GSDMA: variants seen among roughly 807,000 people sequenced by gnomAD.
GSDMA encodes gasdermin A.
Under a neutral mutation model 54.3 loss-of-function variants are expected in GSDMA, and 55 were observed. The observed-to-expected ratio is 1.01, with a 90% CI of 0.82 to 1.27. The LOEUF is 1.27. Among genes scored for constraint, GSDMA ranks in the 50% most tolerant of loss-of-function variants. The pLI, the probability that GSDMA is intolerant of heterozygous loss-of-function variation, is 0.00. For synonymous variants in GSDMA, 211 were observed against 224.7 expected (o/e 0.94, Z 0.54); for missense variants, 542 against 542.6 (o/e 1.00, Z 0.01).
At position 39,976,803 on chromosome 17, in the gene GSDMA, T is replaced by A; in HGVS notation, c.1096-13T>A. 6.2e-7 allele frequency: 1 copy of A among 1,613,496 alleles called. No homozygotes were observed. The highest frequency in any genetic ancestry group is 2.2e-5 in the East Asian group (1 of 44,874). On this transcript the variant is annotated splice_polypyrimidine_tract_variant and intron_variant, in intron 11 of 11. Transcript: ENST00000301659. ...CCAGTTCTTTCTTTTCATGCTGTTT[T>A]GATTCCCTCCAGGTGGAGAGCACGA...
At position 39,967,169 on chromosome 17, in the gene GSDMA, C is replaced by G. The variant is rs116768878; in HGVS notation, c.392+732C>G. On this transcript the variant is annotated intron_variant, in intron 3 of 11. Coordinates refer to ENST00000301659, the MANE Select transcript of GSDMA (RefSeq NM_178171.5). ...CGCCTAGAACATCTTTGTCCAAGAA[C>G]CTTGCAGTCTAGGAAGGTGAAAATT... Among the ~76,000 whole-genome samples, 356 of 152,314 alleles carry G rather than the reference C, an allele frequency of 2.3e-3. 2 individuals carry two copies. Among genetic ancestry groups the G allele is most frequent in the African/African-American group, 8.2e-3 (341 of 41,550 alleles).
Position 39,965,832 on chromosome 17 carries a change from T to C in GSDMA, c.145T>C (p.Trp49Arg), listed in dbSNP as rs1447409122. ...VLRKRKSTLF[W>R]GARYVRTDYT... is the part of the protein sequence containing the mutation. ...GAGGAAGAGGAAGAGCACGCTCTTC[T>C]GGGGGGCCCGGTACGTCCGCACCGA... The change falls in exon 2 of 12, where the codon TGG (tryptophan) becomes CGG (arginine). Residue 49 changes from tryptophan (W) to arginine (R), a missense_variant. Coordinates refer to ENST00000301659, the MANE Select transcript of GSDMA (RefSeq NM_178171.5). 4 of 1,581,768 alleles carry C rather than the reference T, an allele frequency of 2.5e-6. No individual in the cohort carries two copies. Among genetic ancestry groups the C allele is most frequent in the African/African-American group, 1.3e-5 (1 of 74,206 alleles).
At position 39,970,475 on chromosome 17, in the gene GSDMA, G is replaced by A; in HGVS notation, c.393-7G>A. The A allele has an allele frequency of 6.4e-7, 1 of 1,568,012 alleles. No homozygotes were observed. On this transcript the variant is annotated splice_polypyrimidine_tract_variant and splice_region_variant and intron_variant, in intron 3 of 11. Coordinates refer to ENST00000301659, the MANE Select transcript of GSDMA (RefSeq NM_178171.5). ...TGAACGGTTCCCTTATGTTTCTCCT[G>A]CAACAGGAAGCTGGCAGCAGACCAC...
At chr17:39,966,629 C>T (rs11871317) in intron 3 of GSDMA, among the ~76,000 whole-genome samples, 192 bp downstream of exon 3, 2 of 151,922 alleles carry the variant, frequency 1.3e-5, no homozygotes, top group African/African-American at 2.4e-5. Context: ...TCACACCTCC[C>T]GCTGCTGCCA....
chr17:39,976,048 A>G, intron 11 of GSDMA, 51 bp downstream of exon 11: 4 of 1,382,706 alleles, frequency 2.9e-6, no homozygotes, highest in Non-Finnish European at 4.0e-6. Context: ...AGCTGCAGCC[A>G]GTGGAGATGC....
At position 39,966,275 on chromosome 17, in the gene GSDMA, G is replaced by A; in HGVS notation, c.230G>A (p.Gly77Glu). ...CCTCCTGCAGACCCAACAGACACTG[G>A]GAATTTTGGCTTTAAGAATATGCTG... ...GSSPSDPTDT[G>E]NFGFKNMLDT... The change falls in exon 3 of 12, where the codon GGG (glycine) becomes GAG (glutamate). Residue 77 changes from glycine (G) to glutamate (E), a missense_variant. Coordinates refer to ENST00000301659, the MANE Select transcript of GSDMA (RefSeq NM_178171.5). 6.2e-7 allele frequency: 1 copy of A among 1,613,892 alleles called. No homozygotes were observed. Among genetic ancestry groups the A allele is most frequent in the Non-Finnish European group, 8.5e-7 (1 of 1,179,874 alleles).
chr17:39,974,834 T>C (rs769286964), intron 9 of GSDMA, 66 bp from the exon 10 acceptor site: 13 of 844,052 alleles, frequency 1.5e-5, no homozygotes, highest in Non-Finnish European at 2.3e-5. Flanking sequence ...GGGGTTATTA[T>C]GTGCTGGGCC....
At chr17:39,974,848 G>A (rs368333898) in intron 9 of GSDMA, 52 bp from the exon 10 acceptor site, 87 of 986,346 alleles carry the variant, frequency 8.8e-5, no homozygotes, top group African/African-American at 8.5e-4. Context: ...CTGGGCCCTG[G>A]GTTGGGCCCT....
intron 8 of GSDMA, 98 bp downstream of exon 8, chr17:39,973,928 A>C: frequency 1.2e-4 from 133 of 1,153,880 alleles, no homozygotes; most frequent in Non-Finnish European, 1.6e-4. Context: ...CAGCTAACTC[A>C]TGGGAAGGGA....
intron 1 of GSDMA, among the ~76,000 whole-genome samples, chr17:39,963,344 T>G (rs1184486545): frequency 9.1e-4 from 6 of 6,616 alleles, no homozygotes; most frequent in Middle Eastern, 0.062. Flanking sequence ...GGAATGAGGG[T>G]GAAAAAAAAA....
At position 39,975,031 on chromosome 17, in the gene GSDMA, G is replaced by C. The variant is rs866804613; in HGVS notation, c.1021+17G>C. The C allele has an allele frequency of 6.9e-7, 1 of 1,439,196 alleles. No individual in the cohort carries two copies. Among genetic ancestry groups the C allele is most frequent in the Non-Finnish European group, 9.7e-7 (1 of 1,025,950 alleles). 89.2% of individuals were successfully genotyped at this position (1,439,196 alleles called of 1,614,324 possible). A position where few individuals can be genotyped will look rare whatever the true frequency, so the allele number is the denominator to read the frequency against. ...CCCTAACAGGTAAGTGGGGAATAAG[G>C]TCTTCATTTATAGACCTTTTCAGTA... is the stretch of plus-strand genomic sequence containing the variant. On this transcript the variant is annotated intron_variant, in intron 10 of 11. Coordinates refer to ENST00000301659, the MANE Select transcript of GSDMA (RefSeq NM_178171.5).
chr17:39,965,964 T>G (rs1979640943), intron 2 of GSDMA, 63 bp downstream of exon 2: 1 of 1,444,040 alleles, frequency 6.9e-7, no homozygotes, highest in African/African-American at 1.4e-5. Context: ...GCACCTGGCC[T>G]GCAAGGAGGA....
rs749451414 is a variant in GSDMA, at chr17:39,977,018, C to T, written c.1298C>T (p.Ala433Val). Residue 433 changes from alanine (A) to valine (V), a missense_variant, in exon 12 of 12, where the codon GCA (alanine) becomes GTA (valine). Physicochemically the swap from Ala to Val is moderately conservative, Grantham distance 64 (BLOSUM62 0). Coordinates refer to ENST00000301659, the MANE Select transcript of GSDMA (RefSeq NM_178171.5). ...CTCCCTCGCCTCTGTGCTCTTTATGCAGGCCTCTCTCTCCTTCAGCAGCTT... is the reference window on the plus strand; with the variant it reads ...CTCCCTCGCCTCTGTGCTCTTTATGTAGGCCTCTCTCTCCTTCAGCAGCTT... Reference protein sequence around the residue: ...DTLPRLCALYAGLSLLQQLTK... With the variant: ...DTLPRLCALYVGLSLLQQLTK... 3.1e-6 allele frequency: 5 copies of T among 1,613,812 alleles called. No individual in the cohort carries two copies. Among genetic ancestry groups the T allele is most frequent in the African/African-American group, 2.7e-5 (2 of 74,898 alleles).
chr17:39,964,679 G>A (rs1205127214), intron 1 of GSDMA, among the ~76,000 whole-genome samples: 1 of 152,200 alleles, frequency 6.6e-6, no homozygotes, highest in East Asian at 1.9e-4. Flanking sequence ...GCAGGGAAGT[G>A]TAACCCACAC....
In GSDMA at chr17:39,969,195, A is replaced by C. The variant is rs77009680; in HGVS notation, c.393-1287A>C. 5.1e-3 allele frequency among the ~76,000 whole-genome samples: 775 copies of C among 152,044 alleles called. 5 individuals are homozygous for C. The Middle Eastern group carries it at 0.065, about 13-fold the overall frequency. On this transcript the variant is annotated intron_variant, in intron 3 of 11. Transcript: ENST00000301659. ...AGTGAAACCCCCATCTCCACAAAAAACGCAATATTAGCCGGGCATGGTGGT... is the reference window on the plus strand; with the variant it reads ...AGTGAAACCCCCATCTCCACAAAAACCGCAATATTAGCCGGGCATGGTGGT...
At chr17:39,973,280 T>C (rs1980043982) in intron 7 of GSDMA, among the ~76,000 whole-genome samples, 1 of 147,516 alleles carries the variant, frequency 6.8e-6, no homozygotes, top group South Asian at 2.2e-4. Flanking sequence ...GCCTTTTTTT[T>C]TTTTCTTGAG....
At chr17:39,974,242 A>T in intron 8 of GSDMA, 31 bp from the exon 9 acceptor site, 1 of 1,582,314 alleles carries the variant, frequency 6.3e-7, no homozygotes, top group Admixed American at 1.8e-5. Context: ...TGCCCGATGG[A>T]GGGCTGTGTG....
intron 3 of GSDMA, among the ~76,000 whole-genome samples, chr17:39,970,086 GA>G (rs1186836054): frequency 6.6e-6 from 1 of 151,194 alleles, no homozygotes; most frequent in Non-Finnish European, 1.5e-5. Context: ...GGGGAGGAAA[GA>G]GGGGGGGAGC....
At chr17:39,966,097 TG>T (rs898538320) in intron 2 of GSDMA, among the ~76,000 whole-genome samples, 162 bp from the exon 3 acceptor site, 1 of 152,132 alleles carries the variant, frequency 6.6e-6, no homozygotes. Context: ...TTTATTTACT[TG>T]TTTGTTTTTG....
Sources: gnomAD v4.1 joint callset for allele counts (sites outside exome capture counted in the v4.1 genomes callset) on GRCh38, gnomAD v4.1.1 for gene constraint, MANE v1.5 for transcripts, NCBI Gene and HGNC (gene_info 2026-07-23, HGNC 2026-07-21) for gene names.